The following TRDN variants were observed in gnomAD, a reference collection of about 807,000 sequenced individuals.
TRDN encodes the protein triadin, also known as triadin in skeletal muscle.
A neutral mutation model predicts 149.7 loss-of-function variants in TRDN; 161 were observed. The ratio of observed to expected loss-of-function variants is 1.08; its 90% confidence interval spans 0.95 to 1.23. The LOEUF (loss-of-function observed/expected upper bound fraction) is 1.23. Ranked by LOEUF, TRDN falls within the 50% of genes most tolerant of loss-of-function variation. The pLI is 0.00. For synonymous variants in TRDN, 294 were observed against 250.5 expected (o/e 1.17, Z -1.64); for missense variants, 896 against 823.5 (o/e 1.09, Z -1.08).
intron 20 of TRDN, among the ~76,000 whole-genome samples, chr6:123,353,632 A>G (rs528719545): frequency 6.6e-6 from 1 of 151,824 alleles, no homozygotes; most frequent in African/African-American, 2.4e-5. Flanking sequence ...GTAAAAAGAC[A>G]GTGTAATTAA....
intron 10 of TRDN, chr6:123,462,827 A>G (rs1444907112): frequency 6.6e-6 from 1 of 152,082 alleles, no homozygotes; most frequent in Admixed American, 6.6e-5. Flanking sequence ...CTAGCTCCTA[A>G]TCAATTATGT....
At chr6:123,409,715 A>ACACACC (rs35355392) in intron 12 of TRDN, among the ~76,000 whole-genome samples, 13 of 151,370 alleles carry the variant, frequency 8.6e-5, no homozygotes, top group African/African-American at 2.4e-4. Flanking sequence ...ACACACACAC[A>ACACACC]CCCAAAACTC....
chr6:123,545,273 T>TA (rs1257581653), intron 4 of TRDN, among the ~76,000 whole-genome samples: 1 of 151,876 alleles, frequency 6.6e-6, no homozygotes, highest in Admixed American at 6.6e-5. Context: ...TAAACATGAG[T>TA]AAAATAACTT....
intron 19 of TRDN, among the ~76,000 whole-genome samples, chr6:123,367,674 G>A (rs188979444): frequency 3.2e-4 from 49 of 152,304 alleles, no homozygotes; most frequent in African/African-American, 1.1e-3. Context: ...ACTTAAGCAT[G>A]CATCAGGTTC....
At chr6:123,486,611 AC>A (rs1419891754) in intron 9 of TRDN, among the ~76,000 whole-genome samples, 1 of 151,198 alleles carries the variant, frequency 6.6e-6, no homozygotes, top group Non-Finnish European at 1.5e-5. Context: ...CAATTACATA[AC>A]CTTATCAAAA....
chr6:123,397,285 G>A (rs1447177341), intron 12 of TRDN, among the ~76,000 whole-genome samples: 1 of 152,128 alleles, frequency 6.6e-6, no homozygotes, highest in Non-Finnish European at 1.5e-5. Context: ...AGATGGTAAA[G>A]CAGGTAGTGG....
At chr6:123,230,880 T>C (rs1775574733) in intron 38 of TRDN, among the ~76,000 whole-genome samples, 1 of 152,018 alleles carries the variant, frequency 6.6e-6, no homozygotes, top group Admixed American at 6.6e-5. Context: ...CAGCAACAAC[T>C]ATGAGAACTA....
At chr6:123,599,593 T>C (rs535715148) in intron 1 of TRDN, among the ~76,000 whole-genome samples, 1 of 149,256 alleles carries the variant, frequency 6.7e-6, no homozygotes, top group Admixed American at 6.7e-5. Flanking sequence ...TTTGGTGCTA[T>C]TTTTTTTTTC....
intron 35 of TRDN, among the ~76,000 whole-genome samples, chr6:123,256,668 T>G (rs1380736125): frequency 1.3e-5 from 2 of 151,174 alleles, no homozygotes; most frequent in South Asian, 2.1e-4. Context: ...GGTTGTGTGT[T>G]TTTTTTTTCT....
At chr6:123,247,023 G>A (rs1303595903) in intron 38 of TRDN, among the ~76,000 whole-genome samples, 1 of 152,134 alleles carries the variant, frequency 6.6e-6, no homozygotes, top group Non-Finnish European at 1.5e-5. Context: ...CTCAATAGAT[G>A]CGGAAAAGTC....
At chr6:123,444,092 T>C (rs1775126689) in intron 10 of TRDN, among the ~76,000 whole-genome samples, 1 of 147,834 alleles carries the variant, frequency 6.8e-6, no homozygotes, top group Non-Finnish European at 1.5e-5. Flanking sequence ...TGGCATTGAA[T>C]CTGTAAATTA....
intron 1 of TRDN, among the ~76,000 whole-genome samples, chr6:123,597,638 T>TAA (rs1405150168): frequency 4.6e-5 from 7 of 152,042 alleles, no homozygotes; most frequent in Non-Finnish European, 1.0e-4. Context: ...CCCCAACCTT[T>TAA]AGCAACCACC....
At chr6:123,446,715 A>G (rs1363304236) in intron 10 of TRDN, among the ~76,000 whole-genome samples, 1 of 151,750 alleles carries the variant, frequency 6.6e-6, no homozygotes, top group East Asian at 1.9e-4. Context: ...TTTTACTGGT[A>G]TGAATTTTCC....
At chr6:123,433,629 A>G (rs969557657) in intron 12 of TRDN, among the ~76,000 whole-genome samples, 2 of 152,160 alleles carry the variant, frequency 1.3e-5, no homozygotes, top group African/African-American at 2.4e-5. Flanking sequence ...AGTTCTATAC[A>G]GATAATTCCT....
At chr6:123,274,538 G>A in intron 27 of TRDN, 103 bp downstream of exon 27, 1 of 986,888 alleles carries the variant, frequency 1.0e-6, no homozygotes, top group South Asian at 1.8e-5. Context: ...GGAACTTGGA[G>A]ACTATGTGCA....
At chr6:123,569,623 T>G (rs1396623056) in intron 2 of TRDN, among the ~76,000 whole-genome samples, 1 of 152,144 alleles carries the variant, frequency 6.6e-6, no homozygotes, top group Non-Finnish European at 1.5e-5. Context: ...GGTGTCTTCT[T>G]GGATTCTGGG....
intron 10 of TRDN, among the ~76,000 whole-genome samples, chr6:123,450,482 C>T (rs989652664): frequency 6.6e-6 from 1 of 152,086 alleles, no homozygotes; most frequent in Admixed American, 6.6e-5. Flanking sequence ...CTTAAACCAA[C>T]AGCAGTAAAA....
At chr6:123,310,700 G>T (rs1429172254) in intron 24 of TRDN, among the ~76,000 whole-genome samples, 1 of 151,866 alleles carries the variant, frequency 6.6e-6, no homozygotes, top group Non-Finnish European at 1.5e-5. Context: ...GGAGAAGAAG[G>T]TTCAGCCAAC....
chr6:123,620,039 T>G (rs539154823), intron 1 of TRDN, among the ~76,000 whole-genome samples: 1 of 152,266 alleles, frequency 6.6e-6, no homozygotes, highest in Admixed American at 6.5e-5. Flanking sequence ...CCATTGCCCA[T>G]GAAAAGAATC....
Sources: gnomAD v4.1 joint callset for allele counts (sites outside exome capture counted in the v4.1 genomes callset) on GRCh38, gnomAD v4.1.1 for gene constraint, MANE v1.5 for transcripts, NCBI Gene and HGNC (gene_info 2026-07-23, HGNC 2026-07-21) for gene names.